ANKRD11: variants seen among roughly 807,000 people sequenced by gnomAD.
ANKRD11 encodes the protein ankyrin repeat domain 11, also known as ankyrin repeat domain-containing protein 11.
Under a neutral mutation model 195.7 loss-of-function variants are expected in ANKRD11, and 17 were observed. The observed-to-expected ratio is 0.09, with a 90% CI of 0.06 to 0.13. ANKRD11 has a LOEUF of 0.13. ANKRD11 is among the 10% of genes least tolerant of loss of function. The pLI is 1.00. For synonymous variants in ANKRD11, 1,953 were observed against 1,528.1 expected, an observed-to-expected ratio of 1.28 and a Z score of -6.49; for missense variants, 3,735 against 3,566.1, an observed-to-expected ratio of 1.05 and a Z score of -1.21.
At chr16:89,351,222 G>A (rs148715654) in intron 2 of ANKRD11, among the ~76,000 whole-genome samples, 7 of 152,308 alleles carry the variant, frequency 4.6e-5, no homozygotes, top group South Asian at 2.1e-4. Flanking sequence ...GGGCATGGGC[G>A]AGGGGTTCCA....
At chr16:89,308,621 C>A (rs541116013) in intron 3 of ANKRD11, among the ~76,000 whole-genome samples, 4 of 152,286 alleles carry the variant, frequency 2.6e-5, no homozygotes, top group Admixed American at 1.3e-4. Context: ...AGCAAACGCC[C>A]GGGAGGCTTT....
intron 2 of ANKRD11, among the ~76,000 whole-genome samples, chr16:89,380,546 G>A (rs1372587100): frequency 8.7e-6 from 1 of 114,818 alleles, no homozygotes; most frequent in African/African-American, 3.5e-5. Flanking sequence ...AGGGCACGAA[G>A]AGCAGCCCCA....
intron 9 of ANKRD11, chr16:89,278,638 T>C (rs1263728320): frequency 6.5e-6 from 3 of 460,612 alleles, no homozygotes; most frequent in Middle Eastern, 3.4e-4. Context: ...AAGGGACTCA[T>C]CGTGCAGGTA....
chr16:89,279,927 A>G lies in ANKRD11; in HGVS notation c.6615T>C (p.Pro2205=). 6.2e-7 allele frequency: 1 copy of G among 1,609,962 alleles called. No homozygotes were observed. ...ASTRLPAELE[P]EPSGEPKLDV... ...CCAGCTTTGGCTCCCCTGAGGGCTC[A>G]GGCTCGAGCTCTGCAGGGAGCCGGG... The change falls in exon 9 of 13, where the codon CCT becomes CCC. Residue 2205 remains proline (P), a synonymous_variant. Transcript: ENST00000301030. The surrounding 1 kb of genome is among the most constrained non-coding windows in gnomAD (Gnocchi z 5.6).
intron 2 of ANKRD11, among the ~76,000 whole-genome samples, chr16:89,344,242 G>C (rs1255224331): frequency 6.6e-6 from 1 of 152,140 alleles, no homozygotes; most frequent in Admixed American, 6.5e-5. Context: ...ACATCTGCAC[G>C]GTGCTTTACT....
chr16:89,334,374 A>G (rs373925699), intron 2 of ANKRD11, among the ~76,000 whole-genome samples: 11 of 151,676 alleles, frequency 7.3e-5, no homozygotes, highest in Non-Finnish European at 1.3e-4. Context: ...AACAGAAACA[A>G]CCTCCTCTCA....
At chr16:89,484,392 T>C (rs1456155365) in intron 1 of ANKRD11, among the ~76,000 whole-genome samples, 2 of 152,214 alleles carry the variant, frequency 1.3e-5, no homozygotes, top group Admixed American at 6.5e-5. Context: ...GTTTACATCA[T>C]CATCCAGAAT....
intron 1 of ANKRD11, among the ~76,000 whole-genome samples, chr16:89,484,260 C>T (rs149101626): frequency 5.1e-4 from 77 of 152,248 alleles, no homozygotes; most frequent in Admixed American, 1.4e-3. Context: ...TGTAAAACCA[C>T]ATCTAGAAAC....
At chr16:89,293,377 T>TTGC (rs1567596667) in intron 4 of ANKRD11, among the ~76,000 whole-genome samples, 3 of 150,154 alleles carry the variant, frequency 2.0e-5, no homozygotes, top group Non-Finnish European at 3.0e-5. Context: ...CCACTAGGGG[T>TTGC]GGACACAGGG....
chr16:89,368,137 G>C (rs916388213), intron 2 of ANKRD11, among the ~76,000 whole-genome samples: 7 of 151,976 alleles, frequency 4.6e-5, no homozygotes, highest in African/African-American at 1.7e-4. Context: ...TAAAAAATAA[G>C]TCCTACATCA....
intron 1 of ANKRD11, among the ~76,000 whole-genome samples, chr16:89,425,310 T>C (rs940689289): frequency 2.6e-5 from 4 of 152,136 alleles, no homozygotes; most frequent in Non-Finnish European, 2.9e-5. Flanking sequence ...CTGGCTCCAG[T>C]GCCCACACTC....
intron 2 of ANKRD11, among the ~76,000 whole-genome samples, chr16:89,337,308 T>C (rs1031092238): frequency 6.6e-6 from 1 of 151,864 alleles, no homozygotes; most frequent in African/African-American, 2.4e-5. Flanking sequence ...TGGCTCGGAA[T>C]CCTCCGCCAC....
In ANKRD11 at chr16:89,280,745, G is replaced by A. The variant is rs763914011; in HGVS notation, c.5797C>T (p.Pro1933Ser). The change falls in exon 9 of 13, where the codon CCG (proline) becomes TCG (serine). Residue 1933 changes from proline to serine, a missense_variant. Transcript: ENST00000301030. The stretch of plus-strand genomic sequence containing the variant: ...GCGCTGAAGGGACCCTCGTCCAGCG[G>A]CTCCAGGTAGCTGGGCTCCGGGGGG... ...IIPPEPSYLE[P>S]LDEGPFSAVI... The A allele has an allele frequency of 1.2e-6, 2 of 1,613,494 alleles. No homozygotes were observed. The highest frequency in any genetic ancestry group is 8.5e-7 in the Non-Finnish European group (1 of 1,179,888).
chr16:89,280,387 T>C lies in ANKRD11; in HGVS notation c.6155A>G (p.Glu2052Gly). 1 of 1,562,012 alleles carries C rather than the reference T, an allele frequency of 6.4e-7. No individual in the cohort carries two copies. The highest frequency in any genetic ancestry group is 8.7e-7 in the Non-Finnish European group (1 of 1,154,960). The change falls in exon 9 of 13, where the codon GAG (glutamate) becomes GGG (glycine). Residue 2052 changes from glutamate to glycine, a missense_variant. By Grantham distance (98) the Glu-to-Gly change is moderately conservative. Transcript: ENST00000301030. ...DAVPAAISTS[E>G]AAPYAPPSGL... ...GGAGGGAGGGGCGTAGGGAGCCGCC[T>C]CTGAGGTGGAGATGGCGGCGGGGAC...
At chr16:89,270,457 G>GCCCA in intron 12 of ANKRD11, 1 of 378,544 alleles carries the variant, frequency 2.6e-6, no homozygotes, top group Non-Finnish European at 5.1e-6. Flanking sequence ...CCCCGCCCCT[G>GCCCA]CCCACCGCCC....
At chr16:89,362,464 G>A (rs565029771) in intron 2 of ANKRD11, among the ~76,000 whole-genome samples, 136 of 152,316 alleles carry the variant, frequency 8.9e-4, no homozygotes, top group Non-Finnish European at 1.2e-3. Context: ...CACTGAAGCC[G>A]GAAGGGACAA....
chr16:89,350,371 C>T (rs1258662312), intron 2 of ANKRD11, among the ~76,000 whole-genome samples: 1 of 152,186 alleles, frequency 6.6e-6, no homozygotes, highest in Non-Finnish European at 1.5e-5. Flanking sequence ...CATGCAACTA[C>T]TCATATCAGC....
Position 89,281,204 on chromosome 16 carries a change from C to A in ANKRD11, c.5338G>T (p.Ala1780Ser), listed in dbSNP as rs75362060. The A allele has an allele frequency of 1.9e-6, 3 of 1,614,066 alleles. No homozygotes were observed. Among genetic ancestry groups the A allele is most frequent in the East Asian group, 4.5e-5 (2 of 44,886 alleles). The change falls in exon 9 of 13, where the codon GCC becomes TCC. Residue 1780 changes from alanine to serine, a missense_variant. Transcript: ENST00000301030. This position sits in a 1 kb window ranked among gnomAD's most constrained non-coding sequence, Gnocchi z 5.5. Reference protein sequence around the residue: ...GLSENASQAPARPLSTNLYRS... With the variant: ...GLSENASQAPSRPLSTNLYRS... ...TAAAGGTTTGTGGAGAGAGGCCTGG[C>A]AGGAGCCTGGCTGGCGTTTTCCGAA... is the stretch of plus-strand genomic sequence containing the variant.
intron 2 of ANKRD11, among the ~76,000 whole-genome samples, chr16:89,367,811 G>A (rs1299841212): frequency 6.6e-6 from 1 of 152,086 alleles, no homozygotes; most frequent in Non-Finnish European, 1.5e-5. Flanking sequence ...AGCAGGTGGG[G>A]AGCCTGGGCA....
Sources: gnomAD v4.1 joint callset for allele counts (sites outside exome capture counted in the v4.1 genomes callset) on GRCh38, gnomAD v4.1.1 for gene constraint, Gnocchi (gnomAD v3.1) non-coding constraint, MANE v1.5 for transcripts, NCBI Gene and HGNC (gene_info 2026-07-23, HGNC 2026-07-21) for gene names.